USP24: variants seen among roughly 807,000 people sequenced by gnomAD.
USP24 encodes ubiquitin carboxyl-terminal hydrolase 24.
Under a neutral mutation model 361.6 loss-of-function variants are expected in USP24, and 97 were observed. The ratio of observed to expected loss-of-function variants is 0.27; its 90% CI spans 0.23 to 0.32. The LOEUF (loss-of-function observed/expected upper bound fraction) is 0.32. USP24 is among the 10% of genes least tolerant of loss of function. The pLI, the probability that USP24 is intolerant of heterozygous loss-of-function variation, is 1.00. For synonymous variants in USP24, 1,098 were observed against 1,124.6 expected (o/e 0.98, Z 0.47); for missense variants, 2,353 against 3,165.6 (o/e 0.74, Z 6.16).
intron 67 of USP24, among the ~76,000 whole-genome samples, chr1:55,070,246 A>G (rs1237377887): frequency 1.3e-5 from 2 of 152,062 alleles, no homozygotes; most frequent in African/African-American, 4.8e-5. Flanking sequence ...GGAGAACGTC[A>G]AGAACAAGAG....
At chr1:55,073,979 T>C in intron 63 of USP24, 73 bp from the exon 64 acceptor site, 1 of 1,244,460 alleles carries the variant, frequency 8.0e-7, no homozygotes, top group Non-Finnish European at 1.1e-6. Context: ...CAACAAGCTC[T>C]CTTGTTCTAA....
In USP24 at chr1:55,125,751, C is replaced by T; in HGVS notation, c.3643G>A (p.Val1215Ile). ...FLKAGGLSLV[V>I]NVMQRDSIPS... ...ATGGAGTCTCTCTGCATGACATTTA[C>T]AACCAAACTTCAAAAAGAAGAAAAA... Residue 1215 changes from valine to isoleucine, a missense_variant, in exon 33 of 68, where the codon GTA becomes ATA. Physicochemically the swap from Val to Ile is conservative, Grantham distance 29. Transcript: ENST00000294383. The T allele has an allele frequency of 6.3e-7, 1 of 1,575,766 alleles. No homozygotes were observed. Among genetic ancestry groups the T allele is most frequent in the African/African-American group, 1.3e-5 (1 of 74,262 alleles).
At chr1:55,083,154 T>C (rs1353397826) in intron 58 of USP24, 118 bp downstream of exon 58, 12 of 889,086 alleles carry the variant, frequency 1.3e-5, no homozygotes, top group African/African-American at 1.7e-5. Context: ...TTTTCAAGTC[T>C]CTATGGTACT....
At chr1:55,166,933 C>T (rs1037024612) in intron 5 of USP24, among the ~76,000 whole-genome samples, 1 of 152,110 alleles carries the variant, frequency 6.6e-6, no homozygotes, top group Non-Finnish European at 1.5e-5. Context: ...GAAATTAAAA[C>T]TTAATTATTA....
In USP24 at chr1:55,188,392, T is replaced by C. The variant is rs142153745; in HGVS notation, c.325-10260A>G. Among the ~76,000 whole-genome samples, 577 of 151,744 alleles carry C rather than the reference T, an allele frequency of 3.8e-3. 5 individuals carry two copies. The highest frequency in any genetic ancestry group is 0.013 in the African/African-American group (540 of 41,384). ...AATTTTTGTGCATCAAAAGTCACCA[T>C]TAAGAAAGTGAAAAAAAGAATCTAC... On this transcript the variant is annotated intron_variant, in intron 1 of 67. Coordinates refer to ENST00000294383, the MANE Select transcript of USP24 (RefSeq NM_015306.3).
At chr1:55,094,830 C>T (rs1645460409) in intron 51 of USP24, among the ~76,000 whole-genome samples, 1 of 151,776 alleles carries the variant, frequency 6.6e-6, no homozygotes, top group Non-Finnish European at 1.5e-5. Context: ...GAGACCTTAT[C>T]TTTACAAAAA....
At chr1:55,190,814 A>C (rs1231667693) in intron 1 of USP24, among the ~76,000 whole-genome samples, 1 of 152,232 alleles carries the variant, frequency 6.6e-6, no homozygotes, top group Middle Eastern at 3.2e-3. Flanking sequence ...TGCAGTGAGA[A>C]CAAACCTGTA....
At chr1:55,156,819 T>A in intron 12 of USP24, 129 bp downstream of exon 12, 1 of 596,142 alleles carries the variant, frequency 1.7e-6, no homozygotes, top group Middle Eastern at 2.7e-4. Context: ...AACTGTAAAG[T>A]GGGTTAGGTA....
chr1:55,086,689 G>A (rs1645258678), intron 55 of USP24, among the ~76,000 whole-genome samples: 1 of 152,218 alleles, frequency 6.6e-6, no homozygotes, highest in African/African-American at 2.4e-5. Flanking sequence ...TAACTTTGCT[G>A]TTAGAGATGA....
intron 61 of USP24, among the ~76,000 whole-genome samples, chr1:55,078,251 T>C (rs949030550): frequency 8.5e-5 from 13 of 152,360 alleles, no homozygotes; most frequent in Non-Finnish European, 1.8e-4. Flanking sequence ...ATGACCACAG[T>C]AGACTCTGGT....
rs1358782648 is a variant in USP24 at position 55,079,673 on chromosome 1, A to G, written c.7079-14T>C. ...ATATGCCAGGAGCTTTAGGAGACCA[A>G]AGAAACAAAACAGAACCTGTCTCAC... On this transcript the variant is annotated splice_polypyrimidine_tract_variant and intron_variant, in intron 59 of 67. Coordinates refer to ENST00000294383, the MANE Select transcript of USP24 (RefSeq NM_015306.3). 88 of 1,525,862 alleles carry G rather than the reference A, an allele frequency of 5.8e-5. No homozygotes were observed. Among genetic ancestry groups the G allele is most frequent in the Non-Finnish European group, 7.4e-5 (85 of 1,148,292 alleles). The allele number at this position is 1,525,862 out of a possible 1,614,324, so 94.5% of individuals were successfully genotyped here. A position where few individuals can be genotyped will look rare whatever the true frequency, so the allele number is the denominator to read the frequency against.
rs757373761 is a variant in USP24, at chr1:55,157,001, G to C, written c.1393C>G (p.Leu465Val). 1 of 1,613,116 alleles carries C rather than the reference G, an allele frequency of 6.2e-7. No homozygotes were observed. The highest frequency in any genetic ancestry group is 8.5e-7 in the Non-Finnish European group (1 of 1,179,396). The change falls in exon 12 of 68, where the codon CTC becomes GTC. Residue 465 changes from leucine (L) to valine (V), a missense_variant. Around this residue, in one of 8 missense-constraint regions of USP24, gnomAD observed 386 missense variants for 560.5 expected, o/e 0.69. Coordinates refer to ENST00000294383, the MANE Select transcript of USP24 (RefSeq NM_015306.3). ...YCDRIKGIIE[L>V]LGSKLSLDEL... ...TCTAACGACAATTTACTACCCAAGAGTTCAATAATTCCCTTTATACGGTCA... is the reference window on the plus strand; with the variant it reads ...TCTAACGACAATTTACTACCCAAGACTTCAATAATTCCCTTTATACGGTCA...
In USP24 at chr1:55,134,142, C is replaced by G; in HGVS notation, c.3309G>C (p.Lys1103Asn). Residue 1103 changes from lysine (K) to asparagine (N), a missense_variant, in exon 30 of 68, where the codon AAG (lysine) becomes AAC (asparagine). Around this residue, in one of 8 missense-constraint regions of USP24, gnomAD observed 949 missense variants for 1,280.5 expected, o/e 0.74. Transcript: ENST00000294383. ...EEPRITLRVRKLLLLIPTDPA... is the reference protein window; with the variant it reads ...EEPRITLRVRNLLLLIPTDPA... Reference sequence around the variant, plus strand: ...GATCAGTGGGTATCAAGAGCAGAAGCTTCCGTACTCGTAGAGTTATCCTGA... The same window carrying G: ...GATCAGTGGGTATCAAGAGCAGAAGGTTCCGTACTCGTAGAGTTATCCTGA... 1 of 1,613,658 alleles carries G rather than the reference C, an allele frequency of 6.2e-7. No homozygotes were observed. The highest frequency in any genetic ancestry group is 8.5e-7 in the Non-Finnish European group (1 of 1,179,764).
chr1:55,182,092 G>GC (rs1643986183), intron 1 of USP24, among the ~76,000 whole-genome samples: 1 of 152,150 alleles, frequency 6.6e-6, no homozygotes, highest in South Asian at 2.1e-4. Flanking sequence ...TCGCTCTGCT[G>GC]CCAGGCTGGA....
intron 35 of USP24, among the ~76,000 whole-genome samples, chr1:55,124,042 G>C (rs1646357246): frequency 6.6e-6 from 1 of 152,148 alleles, no homozygotes; most frequent in Non-Finnish European, 1.5e-5. Flanking sequence ...TTCTAAAATA[G>C]AGATTGAGCA....
At chr1:55,163,681 T>G (rs1364544479) in intron 7 of USP24, among the ~76,000 whole-genome samples, 1 of 152,136 alleles carries the variant, frequency 6.6e-6, no homozygotes, top group Non-Finnish European at 1.5e-5. Context: ...CATTTAGCAC[T>G]GTCAATTATA....
At chr1:55,076,749 TGA>T (rs1645038152) in intron 62 of USP24, among the ~76,000 whole-genome samples, 1 of 152,348 alleles carries the variant, frequency 6.6e-6, no homozygotes, top group South Asian at 2.1e-4. Context: ...TTCACACTTC[TGA>T]GAGTGGAAAG....
intron 39 of USP24, among the ~76,000 whole-genome samples, chr1:55,109,192 G>A (rs1645879002): frequency 6.6e-6 from 1 of 152,184 alleles, no homozygotes; most frequent in Non-Finnish European, 1.5e-5. Flanking sequence ...GGCCAGGCTG[G>A]TCTCGAACTC....
chr1:55,117,737 C>T (rs554996877), intron 38 of USP24, among the ~76,000 whole-genome samples: 32 of 80,644 alleles, frequency 4.0e-4, no homozygotes, highest in East Asian at 3.3e-3. Context: ...AGCGAGACTC[C>T]GTCTCAAAAA....
Sources: gnomAD v4.1 joint callset for allele counts (sites outside exome capture counted in the v4.1 genomes callset) on GRCh38, gnomAD v4.1.1 for gene constraint, gnomAD v4.1.1 regional missense constraint, MANE v1.5 for transcripts, NCBI Gene and HGNC (gene_info 2026-07-23, HGNC 2026-07-21) for gene names.